CSMD1: variants seen among roughly 807,000 people sequenced by gnomAD.
The protein encoded by CSMD1 is CUB and sushi domain-containing protein 1.
In CSMD1, 213 loss-of-function variants were observed where a neutral mutation model predicts 417.5. That is an observed-to-expected ratio of 0.51 (90% CI 0.46 to 0.57). The LOEUF (loss-of-function observed/expected upper bound fraction) is 0.57, where lower values mean the gene tolerates loss of function less well. Ranked by LOEUF, CSMD1 falls within the 20% of genes least tolerant of loss-of-function variation. The pLI is 0.00. For missense variants in CSMD1, 6,923 were observed against 4,529.7 expected, an observed-to-expected ratio of 1.53 and a Z score of -15.17; for synonymous variants, 2,862 against 1,736.8, an observed-to-expected ratio of 1.65 and a Z score of -16.11.
intron 7 of CSMD1, among the ~76,000 whole-genome samples, chr8:3,640,351 T>C (rs1281993798): frequency 6.6e-6 from 1 of 152,256 alleles, no homozygotes; most frequent in African/African-American, 2.4e-5. Context: ...TATCCATTTG[T>C]AGTTTATTGA....
chr8:2,972,872 G>C (rs1331137596), intron 57 of CSMD1, among the ~76,000 whole-genome samples: 1 of 152,200 alleles, frequency 6.6e-6, no homozygotes. Flanking sequence ...GAGAAGATTA[G>C]AAGCTTCCGT....
intron 2 of CSMD1, among the ~76,000 whole-genome samples, chr8:4,466,429 G>C (rs191983250): frequency 1.0e-5 from 1 of 97,770 alleles, no homozygotes; most frequent in Non-Finnish European, 2.1e-5. Flanking sequence ...CTTTGATATT[G>C]TCTTCAAATG....
chr8:4,062,010 T>C (rs957859968), intron 3 of CSMD1, among the ~76,000 whole-genome samples: 1 of 152,058 alleles, frequency 6.6e-6, no homozygotes, highest in Non-Finnish European at 1.5e-5. Context: ...GGTCAAGGTG[T>C]AGTGGGGAGG....
chr8:3,037,456 C>T (rs1253673609), intron 50 of CSMD1, among the ~76,000 whole-genome samples: 1 of 152,092 alleles, frequency 6.6e-6, no homozygotes, highest in Non-Finnish European at 1.5e-5. Context: ...GATCCGCCCG[C>T]CTCGGCCTCC....
intron 50 of CSMD1, among the ~76,000 whole-genome samples, chr8:3,051,157 C>G (rs1427161625): frequency 6.6e-6 from 1 of 152,186 alleles, no homozygotes; most frequent in Non-Finnish European, 1.5e-5. Flanking sequence ...TGTATGTTCA[C>G]TGCAGCGCTA....
chr8:4,078,830 G>A (rs947522000), intron 3 of CSMD1, among the ~76,000 whole-genome samples: 8 of 147,152 alleles, frequency 5.4e-5, no homozygotes, highest in African/African-American at 1.8e-4. Context: ...GAGGTCAGGA[G>A]TTCAAGATTA....
intron 10 of CSMD1, among the ~76,000 whole-genome samples, chr8:3,572,564 C>G (rs1005857754): frequency 5.3e-5 from 8 of 152,236 alleles, no homozygotes; most frequent in Admixed American, 3.3e-4. Context: ...CACAGGTTAA[C>G]TAAACCATTC....
At chr8:4,420,566 A>T (rs1478310856) in intron 2 of CSMD1, among the ~76,000 whole-genome samples, 1 of 152,170 alleles carries the variant, frequency 6.6e-6, no homozygotes, top group Non-Finnish European at 1.5e-5. Context: ...CAGGTAAAGC[A>T]TGTGAATGTG....
At chr8:3,861,808 G>C (rs1333207461) in intron 5 of CSMD1, among the ~76,000 whole-genome samples, 1 of 152,142 alleles carries the variant, frequency 6.6e-6, no homozygotes, top group African/African-American at 2.4e-5. Context: ...CTTTCTAAGT[G>C]TGCCGATTAC....
chr8:3,192,808 T>G (rs2129051690), intron 33 of CSMD1, among the ~76,000 whole-genome samples: 1 of 152,292 alleles, frequency 6.6e-6, no homozygotes, highest in Non-Finnish European at 1.5e-5. Context: ...ACAAAGCAGA[T>G]TTGGAGCATT....
chr8:4,038,415 T>C (rs1021440205), intron 3 of CSMD1, among the ~76,000 whole-genome samples: 2 of 152,170 alleles, frequency 1.3e-5, no homozygotes, highest in African/African-American at 2.4e-5. Flanking sequence ...TATGCAAAGA[T>C]TCAAGACACA....
chr8:3,415,652 G>A (rs1323643040), intron 12 of CSMD1, among the ~76,000 whole-genome samples: 1 of 152,154 alleles, frequency 6.6e-6, no homozygotes, highest in South Asian at 2.1e-4. Context: ...GAGCCATTGT[G>A]CCTGGCCTTG....
At chr8:4,902,737 A>C (rs867349728) in intron 1 of CSMD1, among the ~76,000 whole-genome samples, 2 of 152,038 alleles carry the variant, frequency 1.3e-5, no homozygotes, top group African/African-American at 2.4e-5. Flanking sequence ...TATAAATGGA[A>C]AATGTGTCTC....
At chr8:4,934,151 T>C (rs1168605319) in intron 1 of CSMD1, among the ~76,000 whole-genome samples, 1 of 152,160 alleles carries the variant, frequency 6.6e-6, no homozygotes, top group African/African-American at 2.4e-5. Context: ...CCAGTGACTC[T>C]GAGAAGAGGC....
chr8:4,388,021 G>C (rs902950987), intron 3 of CSMD1, among the ~76,000 whole-genome samples: 3 of 152,040 alleles, frequency 2.0e-5, no homozygotes, highest in Admixed American at 2.0e-4. Context: ...TTTACACCAA[G>C]CATCTATTTT....
At chr8:3,747,988 G>C (rs376512025) in intron 6 of CSMD1, among the ~76,000 whole-genome samples, 1 of 152,046 alleles carries the variant, frequency 6.6e-6, no homozygotes, top group Non-Finnish European at 1.5e-5. Flanking sequence ...GTTCTCCAAG[G>C]TGGACGTGAT....
At chr8:3,153,269 G>A (rs1370477191) in intron 39 of CSMD1, among the ~76,000 whole-genome samples, 1 of 152,168 alleles carries the variant, frequency 6.6e-6, no homozygotes, top group Non-Finnish European at 1.5e-5. Context: ...CTAAAAAGGG[G>A]AGGCATGAAT....
At chr8:3,519,145 T>C (rs999161318) in intron 10 of CSMD1, among the ~76,000 whole-genome samples, 8 of 152,172 alleles carry the variant, frequency 5.3e-5, no homozygotes, top group African/African-American at 1.9e-4. Context: ...AAGAAAAACA[T>C]ACCTATTTAA....
intron 5 of CSMD1, among the ~76,000 whole-genome samples, chr8:3,931,302 A>T (rs573250936): frequency 6.6e-6 from 1 of 150,702 alleles, no homozygotes; most frequent in East Asian, 1.9e-4. Context: ...GAAATTTTCA[A>T]ATAAAATATT....
Sources: allele counts gnomAD v4.1 joint callset (sites outside exome capture counted in the v4.1 genomes callset), GRCh38; gene constraint gnomAD v4.1.1; transcripts MANE v1.5; gene names NCBI Gene and HGNC (gene_info 2026-07-23, HGNC 2026-07-21).